C12orf42: variants seen among roughly 807,000 people sequenced by gnomAD.
C12orf42 encodes chromosome 12 open reading frame 42.
A neutral mutation model predicts 21.6 loss-of-function variants in C12orf42; 25 were observed. That is an observed-to-expected ratio of 1.16 (90% confidence interval 0.84 to 1.62). The LOEUF (loss-of-function observed/expected upper bound fraction) is 1.62, where lower values mean the gene tolerates loss of function less well. C12orf42 is among the 40% of genes most tolerant of loss of function. The pLI is 0.00. For synonymous variants in C12orf42, 174 were observed against 175.0 expected (o/e 0.99, Z 0.05); for missense variants, 483 against 459.3 (o/e 1.05, Z -0.47).
intron 4 of C12orf42, among the ~76,000 whole-genome samples, chr12:103,347,846 A>T (rs908542521): frequency 6.6e-6 from 1 of 152,136 alleles, no homozygotes; most frequent in Admixed American, 6.6e-5. Context: ...CTAGAAAGCA[A>T]AGGTCTGTGG....
the C12orf42 span, among the ~76,000 whole-genome samples, chr12:103,203,441 C>T: frequency 6.6e-6 from 1 of 152,098 alleles, no homozygotes; most frequent in African/African-American, 2.4e-5. Flanking sequence ...TTTATTGAAG[C>T]CAAGTGGGTT....
chr12:103,144,943 C>T, the C12orf42 span, among the ~76,000 whole-genome samples: 1 of 152,100 alleles, frequency 6.6e-6, no homozygotes, highest in Non-Finnish European at 1.5e-5. Flanking sequence ...GTGTCCTTCC[C>T]TCAAGATTCA....
intron 2 of C12orf42, among the ~76,000 whole-genome samples, chr12:103,459,934 G>T (rs1316421790): frequency 6.6e-6 from 1 of 152,088 alleles, no homozygotes; most frequent in African/African-American, 2.4e-5. Context: ...TCTACTGCAA[G>T]ATGCCTGCCT....
chr12:103,378,379 C>T (rs1290450394), intron 3 of C12orf42, among the ~76,000 whole-genome samples: 1 of 152,120 alleles, frequency 6.6e-6, no homozygotes, highest in Non-Finnish European at 1.5e-5. Flanking sequence ...TCAAAAGGCA[C>T]CCTCCCAATT....
chr12:103,453,637 C>T lies in C12orf42; in HGVS notation c.78+24712G>A, dbSNP rs116060037. Among the ~76,000 whole-genome samples, 340 of 152,046 alleles carry T rather than the reference C, an allele frequency of 2.2e-3. 1 individual carries two copies. The highest frequency in any genetic ancestry group is 7.7e-3 in the African/African-American group (319 of 41,490). ...TTTCCCTAATAATATTAATTATATA[C>T]GTTGTAAAGCCTTGCTGTCATGGCT... On this transcript the variant is annotated intron_variant, in intron 2 of 5. Transcript: ENST00000548883.
At position 103,389,168 on chromosome 12, in the gene C12orf42, G is replaced by A. The variant is rs144719068; in HGVS notation, c.147+12439C>T. On this transcript the variant is annotated intron_variant, in intron 3 of 5. Transcript: ENST00000548883. ...GTAAGGGAGGAAGATGACACCAGAG[G>A]GGCCATAGCCTTGAACTGTATAAAA... 2.6e-3 allele frequency among the ~76,000 whole-genome samples: 394 copies of A among 152,320 alleles called. 3 individuals carry two copies. The highest frequency in any genetic ancestry group is 9.1e-3 in the African/African-American group (380 of 41,570).
intron 2 of C12orf42, among the ~76,000 whole-genome samples, chr12:103,453,232 GATT>G (rs1952067140): frequency 1.3e-5 from 2 of 151,052 alleles, no homozygotes; most frequent in African/African-American, 4.9e-5. Flanking sequence ...TTTCTTCTTA[GATT>G]ATTATTTATC....
chr12:103,404,245 C>T (rs758442964), intron 2 of C12orf42, among the ~76,000 whole-genome samples: 1 of 152,122 alleles, frequency 6.6e-6, no homozygotes, highest in Non-Finnish European at 1.5e-5. Context: ...GAAACCTTTA[C>T]CTTGAACTTT....
chr12:103,451,561 T>C (rs901821641), intron 2 of C12orf42, among the ~76,000 whole-genome samples: 28 of 152,064 alleles, frequency 1.8e-4, no homozygotes, highest in Non-Finnish European at 1.0e-4. Context: ...ATGTGCCCTA[T>C]AAATTATGCT....
At chr12:103,306,578 C>T (rs1287763112) in intron 4 of C12orf42, among the ~76,000 whole-genome samples, 1 of 152,078 alleles carries the variant, frequency 6.6e-6, no homozygotes, top group African/African-American at 2.4e-5. Context: ...ATGTTGAAGG[C>T]ACCGTGTGAG....
intron 2 of C12orf42, among the ~76,000 whole-genome samples, chr12:103,418,156 C>T (rs1452505797): frequency 6.6e-6 from 1 of 152,150 alleles, no homozygotes; most frequent in Admixed American, 6.5e-5. Flanking sequence ...CTAACCAAAT[C>T]CTCCTTTCAC....
intron 2 of C12orf42, among the ~76,000 whole-genome samples, chr12:103,445,398 T>C (rs1441874442): frequency 6.6e-6 from 1 of 151,644 alleles, no homozygotes; most frequent in African/African-American, 2.4e-5. Context: ...TTGTACTGGT[T>C]CTAATTGTTC....
At chr12:103,338,368 C>T (rs1489007232) in intron 4 of C12orf42, among the ~76,000 whole-genome samples, 1 of 152,134 alleles carries the variant, frequency 6.6e-6, no homozygotes, top group Non-Finnish European at 1.5e-5. Flanking sequence ...AGTTCCACAC[C>T]AGCTCTCTCA....
intron 5 of C12orf42, among the ~76,000 whole-genome samples, chr12:103,305,182 G>A (rs764728380): frequency 2.6e-5 from 4 of 152,084 alleles, no homozygotes; most frequent in East Asian, 1.9e-4. Flanking sequence ...ACCATGAGTC[G>A]GACAAGCTTG....
chr12:103,554,779 C>T, the C12orf42 span, among the ~76,000 whole-genome samples: 1 of 152,114 alleles, frequency 6.6e-6, no homozygotes, highest in African/African-American at 2.4e-5. Context: ...AACTCTATCG[C>T]AAGACAGCAC....
At chr12:103,491,522 T>C (rs941853023) in intron 1 of C12orf42, among the ~76,000 whole-genome samples, 3 of 152,192 alleles carry the variant, frequency 2.0e-5, no homozygotes, top group Non-Finnish European at 2.9e-5. Context: ...TAGCAGGAAT[T>C]AGGTAATAAG....
chr12:103,521,831 C>T, the C12orf42 span, among the ~76,000 whole-genome samples: 2 of 152,232 alleles, frequency 1.3e-5, no homozygotes, highest in Admixed American at 1.3e-4. Context: ...GGAGCCCCAA[C>T]CAGTTGCAGT....
At chr12:103,228,813 T>C in the C12orf42 span, among the ~76,000 whole-genome samples, 8 of 151,742 alleles carry the variant, frequency 5.3e-5, no homozygotes, top group African/African-American at 1.9e-4. Context: ...ATCAAGCCAC[T>C]AATATAATAA....
the C12orf42 span, among the ~76,000 whole-genome samples, chr12:103,073,079 C>G: frequency 1.3e-5 from 2 of 152,156 alleles, no homozygotes; most frequent in East Asian, 3.9e-4. Context: ...AATACAGGAA[C>G]AGAAAACCAA....
Sources: gnomAD v4.1 joint callset for allele counts (sites outside exome capture counted in the v4.1 genomes callset) on GRCh38, gnomAD v4.1.1 for gene constraint, MANE v1.5 for transcripts, NCBI Gene and HGNC (gene_info 2026-07-23, HGNC 2026-07-21) for gene names.